Variants in CABLES1 observed in about 807,000 individuals in gnomAD.
CABLES1 encodes Cdk5 and Abl enzyme substrate 1.
A neutral mutation model predicts 57.8 loss-of-function variants in CABLES1; 36 were observed. The ratio of observed to expected loss-of-function variants is 0.62; its 90% CI spans 0.48 to 0.82. The LOEUF is 0.82. Ranked by LOEUF, CABLES1 falls within the 40% of genes least tolerant of loss-of-function variation. The pLI is 0.00. For synonymous variants in CABLES1, 374 were observed against 363.0 expected, an observed-to-expected ratio of 1.03 and a Z score of -0.35; for missense variants, 767 against 836.6, an observed-to-expected ratio of 0.92 and a Z score of 1.03.
chr18:23,230,054 A>G (rs947495155), intron 4 of CABLES1, among the ~76,000 whole-genome samples: 5 of 152,210 alleles, frequency 3.3e-5, no homozygotes, highest in African/African-American at 1.2e-4. Context: ...TTAGATCCCA[A>G]GAGTCTTAAC....
At chr18:23,226,024 G>C (rs886518105) in intron 4 of CABLES1, among the ~76,000 whole-genome samples, 2 of 152,232 alleles carry the variant, frequency 1.3e-5, no homozygotes, top group African/African-American at 2.4e-5. Flanking sequence ...TGAAAAACAG[G>C]AATAGCTTAG....
At chr18:23,250,395 G>A (rs1299815714) in intron 7 of CABLES1, among the ~76,000 whole-genome samples, 1 of 152,190 alleles carries the variant, frequency 6.6e-6, no homozygotes, top group Non-Finnish European at 1.5e-5. Flanking sequence ...TGGGAAACAG[G>A]AGGGTTGGCT....
intron 1 of CABLES1, among the ~76,000 whole-genome samples, chr18:23,153,967 G>A (rs1009658419): frequency 6.6e-6 from 1 of 151,860 alleles, no homozygotes; most frequent in Non-Finnish European, 1.5e-5. Context: ...GGAGGCAGAG[G>A]TTCCAGTGAC....
At chr18:23,246,635 C>T (rs1167557359) in intron 7 of CABLES1, among the ~76,000 whole-genome samples, 2 of 151,616 alleles carry the variant, frequency 1.3e-5, no homozygotes, top group Admixed American at 1.3e-4. Flanking sequence ...TTGTGATCCG[C>T]CCACCTTGGC....
chr18:23,160,626 A>G (rs977162050), intron 1 of CABLES1, among the ~76,000 whole-genome samples: 1 of 152,114 alleles, frequency 6.6e-6, no homozygotes, highest in African/African-American at 2.4e-5. Flanking sequence ...CTGTTCCCTG[A>G]TGTACTTTGC....
intron 1 of CABLES1, chr18:23,155,887 C>G: frequency 6.2e-7 from 1 of 1,613,868 alleles, no homozygotes; most frequent in South Asian, 1.1e-5. Flanking sequence ...TCTGAAGCCT[C>G]TGCCTCCTTC....
intron 1 of CABLES1, among the ~76,000 whole-genome samples, chr18:23,186,994 C>G (rs2047207433): frequency 6.6e-6 from 1 of 152,216 alleles, no homozygotes; most frequent in Non-Finnish European, 1.5e-5. Context: ...ATAGCACAGG[C>G]ACTTCAGAGC....
intron 3 of CABLES1, among the ~76,000 whole-genome samples, chr18:23,204,960 C>T (rs1423766760): frequency 6.6e-6 from 1 of 152,176 alleles, no homozygotes; most frequent in African/African-American, 2.4e-5. Context: ...GGGACACAGC[C>T]AAACCCTATC....
At chr18:23,158,420 A>G (rs1196849766) in intron 1 of CABLES1, among the ~76,000 whole-genome samples, 1 of 152,156 alleles carries the variant, frequency 6.6e-6, no homozygotes, top group Non-Finnish European at 1.5e-5. Context: ...TGTTTCAACC[A>G]TGGTTTTCAT....
Position 23,236,157 on chromosome 18 carries a change from G to A in CABLES1, c.1342+106G>A, listed in dbSNP as rs1247796874. 2.1e-5 allele frequency: 26 copies of A among 1,228,126 alleles called. No homozygotes were observed. The East Asian group carries it at 3.8e-4, about 18-fold the overall frequency. The allele number at this position is 1,228,126 out of a possible 1,614,324, so 76.1% of individuals were successfully genotyped here. ...GATGCAGACTGGAAGACAGGGGCTC[G>A]CAGGTGACATGACTTTTAGGAAAGC... On this transcript the variant is annotated intron_variant, in intron 6 of 9. Coordinates refer to ENST00000256925, the MANE Select transcript of CABLES1 (RefSeq NM_001100619.3).
chr18:23,206,859 G>A (rs1171580677), intron 3 of CABLES1, among the ~76,000 whole-genome samples: 1 of 147,554 alleles, frequency 6.8e-6, no homozygotes, highest in East Asian at 2.0e-4. Flanking sequence ...CTGTCACCCA[G>A]GAATACAGTG....
At chr18:23,226,506 T>A (rs2047529138) in intron 4 of CABLES1, among the ~76,000 whole-genome samples, 1 of 152,158 alleles carries the variant, frequency 6.6e-6, no homozygotes, top group Non-Finnish European at 1.5e-5. Flanking sequence ...CCTCTGACCT[T>A]TTGCTTCTAT....
chr18:23,203,648 C>A (rs1230371228), intron 3 of CABLES1, among the ~76,000 whole-genome samples: 6 of 152,126 alleles, frequency 3.9e-5, no homozygotes, highest in African/African-American at 1.4e-4. Context: ...CTCATCAGTT[C>A]CAAGCTGTCG....
chr18:23,223,390 C>T (rs1326117398), intron 4 of CABLES1, among the ~76,000 whole-genome samples: 6 of 151,642 alleles, frequency 4.0e-5, no homozygotes, highest in African/African-American at 1.2e-4. Context: ...CCAGCCTGGC[C>T]GACATGATGA....
Position 23,259,751 on chromosome 18 carries a change from G to T in CABLES1, c.*2384G>T, listed in dbSNP as rs914155076. 1 of 152,250 alleles carries T rather than the reference G, an allele frequency of 6.6e-6. No individual in the cohort carries two copies. The allele number at this position is 152,250 out of a possible 1,614,324, so 9.4% of individuals were successfully genotyped here. ...CAGACACGTCGCAGCCTTGGGCTTCGGCGAGGAGGAAGTCTGAGCCTGTGA... is the reference window on the plus strand; with the variant it reads ...CAGACACGTCGCAGCCTTGGGCTTCTGCGAGGAGGAAGTCTGAGCCTGTGA... On this transcript the variant is annotated 3_prime_UTR_variant, in exon 10 of 10. Transcript: ENST00000256925.
At chr18:23,155,995 T>C in intron 1 of CABLES1, 1 of 1,612,312 alleles carries the variant, frequency 6.2e-7, no homozygotes, top group South Asian at 1.1e-5. Context: ...GAGAGCTGAG[T>C]CTGTTTTTTT....
intron 1 of CABLES1, among the ~76,000 whole-genome samples, chr18:23,138,731 A>T (rs1192344819): frequency 6.6e-6 from 1 of 151,808 alleles, no homozygotes; most frequent in Non-Finnish European, 1.5e-5. Context: ...ATTTGTGGAA[A>T]CCTTTCCTGG....
intron 1 of CABLES1, among the ~76,000 whole-genome samples, chr18:23,167,252 G>A (rs2047049256): frequency 6.6e-6 from 1 of 151,924 alleles, no homozygotes; most frequent in Admixed American, 6.6e-5. Flanking sequence ...GGCTGCTTTG[G>A]GAGACTTCCT....
intron 7 of CABLES1, among the ~76,000 whole-genome samples, chr18:23,243,517 A>G (rs1322603666): frequency 7.8e-6 from 1 of 127,726 alleles, no homozygotes; most frequent in Admixed American, 9.5e-5. Context: ...TAACAGCACT[A>G]TTAGAATTCC....
Sources: allele counts gnomAD v4.1 joint callset (sites outside exome capture counted in the v4.1 genomes callset), GRCh38; gene constraint gnomAD v4.1.1; transcripts MANE v1.5; gene names NCBI Gene and HGNC (gene_info 2026-07-23, HGNC 2026-07-21).